TENM3: variants seen among roughly 807,000 people sequenced by gnomAD.
TENM3 encodes the protein teneurin transmembrane protein 3.
Under a neutral mutation model 255.1 loss-of-function variants are expected in TENM3, and 63 were observed. That is an observed-to-expected ratio of 0.25 (90% confidence interval 0.20 to 0.30). The LOEUF is 0.30. Ranked by LOEUF, TENM3 falls within the 10% of genes least tolerant of loss-of-function variation. The pLI is 1.00. For missense variants in TENM3, 2,929 were observed against 3,461.1 expected (o/e 0.85, Z 3.86); for synonymous variants, 1,306 against 1,322.3 (o/e 0.99, Z 0.27).
the TENM3 span, among the ~76,000 whole-genome samples, chr4:181,785,704 C>A: frequency 1.3e-5 from 2 of 151,886 alleles, no homozygotes; most frequent in Non-Finnish European, 2.9e-5. Context: ...CTGCCTCCCC[C>A]CAACCCCCGC....
intron 3 of TENM3, among the ~76,000 whole-genome samples, chr4:182,494,787 A>G (rs1735620311): frequency 6.6e-6 from 1 of 152,240 alleles, no homozygotes; most frequent in Non-Finnish European, 1.5e-5. Flanking sequence ...TAATAGTACC[A>G]GGAACTTCTA....
At chr4:182,365,937 A>C (rs1561370615) in intron 3 of TENM3, among the ~76,000 whole-genome samples, 1 of 152,144 alleles carries the variant, frequency 6.6e-6, no homozygotes, top group Non-Finnish European at 1.5e-5. Context: ...ACACAATGGT[A>C]TTTGTGTATC....
the TENM3 span, among the ~76,000 whole-genome samples, chr4:182,132,517 A>G: frequency 6.6e-6 from 1 of 152,150 alleles, no homozygotes; most frequent in African/African-American, 2.4e-5. Context: ...ATTAGGAGCA[A>G]TTTTCCTGTA....
rs560150592 is a variant in TENM3 at position 182,228,503 on chromosome 4, G to T, written c.-76+83749G>T. ...TTTTCCCTTCACATCCCACCCTATT[G>T]ATTTCTCTCCTGGTGCCTGTTCAAG... On this transcript the variant is annotated intron_variant, in intron 1 of 2. Transcript: ENST00000512480. Among the ~76,000 whole-genome samples, 27 of 151,124 alleles carry T rather than the reference G, an allele frequency of 1.8e-4. No homozygotes were observed. The South Asian group carries it at 5.0e-3, about 28-fold the overall frequency.
the TENM3 span, among the ~76,000 whole-genome samples, chr4:182,103,618 C>A: frequency 5.3e-5 from 8 of 152,324 alleles, no homozygotes; most frequent in South Asian, 1.7e-3. Context: ...CACTGCCCTG[C>A]CCACAGCAGT....
the TENM3 span, among the ~76,000 whole-genome samples, chr4:181,569,242 G>A: frequency 6.6e-6 from 1 of 152,172 alleles, no homozygotes. Context: ...CTGGTCCTCC[G>A]AGGTGAGAAC....
chr4:182,211,715 G>A (rs1755052668), intron 1 of TENM3, among the ~76,000 whole-genome samples: 1 of 152,166 alleles, frequency 6.6e-6, no homozygotes, highest in Non-Finnish European at 1.5e-5. Context: ...TCATGATGAG[G>A]CAGAAGCAAT....
At chr4:181,710,892 A>C in the TENM3 span, among the ~76,000 whole-genome samples, 1 of 151,878 alleles carries the variant, frequency 6.6e-6, no homozygotes, top group South Asian at 2.1e-4. Flanking sequence ...AAAAAAAGAA[A>C]AAAAAAAAAA....
intron 3 of TENM3, among the ~76,000 whole-genome samples, chr4:182,545,431 TAC>T (rs1195648024): frequency 6.6e-6 from 1 of 151,992 alleles, no homozygotes; most frequent in African/African-American, 2.4e-5. Context: ...CCTGGACCTC[TAC>T]AGTTGCCTCC....
intron 12 of TENM3, among the ~76,000 whole-genome samples, chr4:182,710,769 C>T (rs143478783): frequency 2.7e-3 from 410 of 152,328 alleles, no homozygotes; most frequent in African/African-American, 9.5e-3. Flanking sequence ...TGAATTTTGA[C>T]AAGGCGGGAG....
the TENM3 span, among the ~76,000 whole-genome samples, chr4:181,918,977 T>G: frequency 6.6e-6 from 1 of 152,176 alleles, no homozygotes; most frequent in East Asian, 1.9e-4. Context: ...TATATTGAAT[T>G]TTCAGATGAG....
At chr4:182,785,711 A>AT (rs1331652307) in intron 24 of TENM3, among the ~76,000 whole-genome samples, 30 of 125,632 alleles carry the variant, frequency 2.4e-4, no homozygotes, top group African/African-American at 5.0e-4. Flanking sequence ...CTGTCTCAAG[A>AT]TAAAAAAAAA....
At chr4:181,768,869 C>T in the TENM3 span, among the ~76,000 whole-genome samples, 34 of 152,094 alleles carry the variant, frequency 2.2e-4, no homozygotes, top group African/African-American at 8.0e-4. Context: ...AAGATGAAAC[C>T]CATCTTGCCA....
intron 3 of TENM3, among the ~76,000 whole-genome samples, chr4:182,503,414 C>G (rs367556552): frequency 7.2e-5 from 11 of 152,078 alleles, no homozygotes; most frequent in African/African-American, 2.4e-4. Flanking sequence ...TTTTGCTGGC[C>G]CCTTGCTTAT....
At chr4:181,708,230 G>T in the TENM3 span, among the ~76,000 whole-genome samples, 1 of 152,092 alleles carries the variant, frequency 6.6e-6, no homozygotes, top group South Asian at 2.1e-4. Flanking sequence ...AAATGGAATG[G>T]CAAAATAGTG....
chr4:182,295,842 C>T (rs771681656), intron 1 of TENM3, among the ~76,000 whole-genome samples: 8 of 152,148 alleles, frequency 5.3e-5, no homozygotes, highest in African/African-American at 7.2e-5. Flanking sequence ...CTGTTTACCA[C>T]GTATATTTTA....
the TENM3 span, among the ~76,000 whole-genome samples, chr4:181,472,634 T>C: frequency 6.6e-6 from 1 of 152,186 alleles, no homozygotes; most frequent in Admixed American, 6.5e-5. Context: ...AGGTGACTTC[T>C]GGATGCTGGG....
chr4:181,767,267 A>C, the TENM3 span, among the ~76,000 whole-genome samples: 1 of 150,250 alleles, frequency 6.7e-6, no homozygotes, highest in African/African-American at 2.5e-5. Flanking sequence ...AAAAAAAAAA[A>C]AAAAGAAAGA....
chr4:182,442,847 T>TATACAC (rs1376029701), intron 3 of TENM3, among the ~76,000 whole-genome samples: 68 of 147,868 alleles, frequency 4.6e-4, no homozygotes, highest in African/African-American at 1.6e-3. Context: ...CATACATATA[T>TATACAC]ACACACACAC....
Sources: allele counts gnomAD v4.1 joint callset (sites outside exome capture counted in the v4.1 genomes callset), GRCh38; gene constraint gnomAD v4.1.1; transcripts MANE v1.5; gene names NCBI Gene and HGNC (gene_info 2026-07-23, HGNC 2026-07-21).